The following WDR11 variants were observed in gnomAD, a reference collection of about 807,000 sequenced individuals.
WDR11 encodes the protein WD repeat-containing protein 11.
A neutral mutation model predicts 151.2 loss-of-function variants in WDR11; 83 were observed. The observed-to-expected ratio is 0.55, with a 90% CI of 0.46 to 0.66. WDR11 has a LOEUF of 0.66. Ranked by LOEUF, WDR11 falls within the 30% of genes least tolerant of loss-of-function variation. The probability of loss-of-function intolerance (pLI) is 0.00; values close to 1 mark genes in which losing one functional copy is unlikely to be tolerated. For synonymous variants in WDR11, 484 were observed against 533.1 expected, an observed-to-expected ratio of 0.91 and a Z score of 1.27; for missense variants, 1,301 against 1,480.9, an observed-to-expected ratio of 0.88 and a Z score of 1.99.
intron 20 of WDR11, 82 bp from the exon 21 acceptor site, chr10:120,900,954 T>G (rs1847792442): frequency 1.3e-5 from 13 of 1,035,740 alleles, no homozygotes; most frequent in Non-Finnish European, 2.0e-5. Context: ...TATCTCTATA[T>G]TAACACAACT....
chr10:120,892,579 G>T (rs1014464594), intron 19 of WDR11, among the ~76,000 whole-genome samples: 1 of 152,216 alleles, frequency 6.6e-6, no homozygotes, highest in African/African-American at 2.4e-5. Context: ...GGAATTAGAA[G>T]TATATTTGGG....
intron 1 of WDR11, 62 bp from the exon 2 acceptor site, chr10:120,852,462 G>A: frequency 7.2e-7 from 1 of 1,388,196 alleles, no homozygotes; most frequent in Non-Finnish European, 1.0e-6. Context: ...ATTTAGGCTT[G>A]GCAAGAAAGA....
intron 19 of WDR11, 48 bp downstream of exon 19, chr10:120,890,935 C>A: frequency 6.3e-7 from 1 of 1,586,718 alleles, no homozygotes; most frequent in Non-Finnish European, 8.7e-7. Flanking sequence ...CTTTACTTTG[C>A]CACAAGCTCT....
At chr10:120,884,688 A>T (rs1414737916) in intron 14 of WDR11, among the ~76,000 whole-genome samples, 2 of 152,174 alleles carry the variant, frequency 1.3e-5, no homozygotes, top group Admixed American at 1.3e-4. Flanking sequence ...TAAATACAGA[A>T]GACATTTTGG....
At chr10:120,864,026 C>T (rs531519834) in intron 5 of WDR11, among the ~76,000 whole-genome samples, 197 of 152,238 alleles carry the variant, frequency 1.3e-3, no homozygotes, top group African/African-American at 4.5e-3. Context: ...AGTTTTCTCT[C>T]ATATGAATTA....
intron 11 of WDR11, 53 bp from the exon 12 acceptor site, chr10:120,878,300 C>A: frequency 7.2e-7 from 1 of 1,389,306 alleles, no homozygotes. Context: ...ATAAATGAAC[C>A]TTTCAAATAA....
At chr10:120,891,799 T>G (rs914941274) in intron 19 of WDR11, among the ~76,000 whole-genome samples, 6 of 152,184 alleles carry the variant, frequency 3.9e-5, no homozygotes, top group Non-Finnish European at 4.4e-5. Context: ...GCCTTTAACT[T>G]AGTTAGGTAT....
chr10:120,869,738 T>C (rs555538612), intron 9 of WDR11, among the ~76,000 whole-genome samples: 3 of 152,270 alleles, frequency 2.0e-5, no homozygotes, highest in Non-Finnish European at 4.4e-5. Context: ...AACATATGTA[T>C]GTGTGGCACT....
chr10:120,884,531 A>G (rs2133782217), intron 14 of WDR11, among the ~76,000 whole-genome samples: 1 of 152,278 alleles, frequency 6.6e-6, no homozygotes, highest in Admixed American at 6.5e-5. Context: ...AAGCTATAAA[A>G]TTGAATATAA....
At chr10:120,894,934 G>A (rs1847552728) in intron 19 of WDR11, among the ~76,000 whole-genome samples, 1 of 151,886 alleles carries the variant, frequency 6.6e-6, no homozygotes, top group Admixed American at 6.6e-5. Flanking sequence ...GAGGGAAGTA[G>A]TTAAGGGTCA....
At chr10:120,886,093 A>G (rs1847206413) in intron 15 of WDR11, among the ~76,000 whole-genome samples, 155 bp downstream of exon 15, 1 of 152,208 alleles carries the variant, frequency 6.6e-6, no homozygotes, top group Non-Finnish European at 1.5e-5. Context: ...AGATTACTAA[A>G]AAGATAATTT....
At chr10:120,873,259 T>A (rs1333497573) in intron 10 of WDR11, among the ~76,000 whole-genome samples, 8 of 152,222 alleles carry the variant, frequency 5.3e-5, no homozygotes, top group Non-Finnish European at 1.0e-4. Flanking sequence ...TTTAAAGAGA[T>A]GAAAACACAG....
chr10:120,877,134 T>C (rs1258408657), intron 11 of WDR11, among the ~76,000 whole-genome samples: 2 of 152,208 alleles, frequency 1.3e-5, no homozygotes, highest in African/African-American at 4.8e-5. Flanking sequence ...AGGTTTATTA[T>C]CCTGGATTAG....
At chr10:120,904,883 G>A (rs1034516323) in intron 25 of WDR11, 72 bp downstream of exon 25, 3 of 1,542,390 alleles carry the variant, frequency 1.9e-6, no homozygotes, top group African/African-American at 1.4e-5. Context: ...TATCTGATTA[G>A]TAGGGACATT....
chr10:120,894,536 G>A (rs1172046491), intron 19 of WDR11, among the ~76,000 whole-genome samples: 9 of 152,122 alleles, frequency 5.9e-5, no homozygotes, highest in Non-Finnish European at 1.3e-4. Context: ...ACCGTTCATT[G>A]AATCACACTG....
At chr10:120,853,640 T>C (rs1172097646) in intron 2 of WDR11, among the ~76,000 whole-genome samples, 1 of 152,130 alleles carries the variant, frequency 6.6e-6, no homozygotes, top group Admixed American at 6.5e-5. Flanking sequence ...CAGTGGAGGA[T>C]CTGCTGAAGA....
intron 10 of WDR11, among the ~76,000 whole-genome samples, chr10:120,872,298 G>A (rs889977915): frequency 6.6e-6 from 1 of 152,150 alleles, no homozygotes; most frequent in Non-Finnish European, 1.5e-5. Context: ...GCAGATAAAT[G>A]TTTAATTTTT....
chr10:120,882,854 C>G (rs1251673302), intron 13 of WDR11, among the ~76,000 whole-genome samples: 1 of 151,876 alleles, frequency 6.6e-6, no homozygotes, highest in African/African-American at 2.4e-5. Flanking sequence ...CTTCTGCTTA[C>G]TTTTTAAATA....
chr10:120,882,819 TTGTC>T (rs1463438097), intron 13 of WDR11, among the ~76,000 whole-genome samples: 1 of 152,100 alleles, frequency 6.6e-6, no homozygotes, highest in African/African-American at 2.4e-5. Flanking sequence ...TTCAATTTCA[TTGTC>T]TGTCATGCTT....
Sources: allele counts gnomAD v4.1 joint callset (sites outside exome capture counted in the v4.1 genomes callset), GRCh38; gene constraint gnomAD v4.1.1; transcripts MANE v1.5; gene names NCBI Gene and HGNC (gene_info 2026-07-23, HGNC 2026-07-21).